FAR2: variants seen among roughly 807,000 people sequenced by gnomAD.
The protein encoded by FAR2 is epididymis secretory protein Li 81.
In FAR2, 19 loss-of-function variants were observed where a neutral mutation model predicts 56.0. The observed-to-expected ratio is 0.34, with a 90% CI of 0.24 to 0.50. FAR2 has a LOEUF of 0.50. FAR2 is among the 20% of genes least tolerant of loss of function. The pLI is 0.98. For missense variants in FAR2, 508 were observed against 642.2 expected (o/e 0.79, Z 2.26); for synonymous variants, 219 against 218.8 (o/e 1.00, Z -0.01).
At chr12:29,266,487 A>T (rs1948518248) in intron 1 of FAR2, among the ~76,000 whole-genome samples, 1 of 152,132 alleles carries the variant, frequency 6.6e-6, no homozygotes, top group Admixed American at 6.6e-5. Flanking sequence ...GAATAAAAGG[A>T]TGGTTAGCAG....
At chr12:29,267,975 T>C (rs1382927039) in intron 1 of FAR2, among the ~76,000 whole-genome samples, 1 of 152,220 alleles carries the variant, frequency 6.6e-6, no homozygotes, top group Non-Finnish European at 1.5e-5. Flanking sequence ...CATCTGCGTG[T>C]CTTCAGAACT....
chr12:29,286,420 A>G (rs1948877718), intron 2 of FAR2, among the ~76,000 whole-genome samples: 2 of 152,186 alleles, frequency 1.3e-5, no homozygotes, highest in African/African-American at 4.8e-5. Context: ...CTCGATGACA[A>G]TATCATGAGG....
At chr12:29,293,877 AT>A (rs1211214855) in intron 3 of FAR2, among the ~76,000 whole-genome samples, 3 of 152,088 alleles carry the variant, frequency 2.0e-5, no homozygotes, top group African/African-American at 7.2e-5. Context: ...GGACATTTGG[AT>A]TGTTTTAATT....
At chr12:29,207,949 C>T (rs1467094932) in intron 1 of FAR2, among the ~76,000 whole-genome samples, 1 of 152,188 alleles carries the variant, frequency 6.6e-6, no homozygotes, top group Non-Finnish European at 1.5e-5. Flanking sequence ...CACCTGTGGT[C>T]CCAGCATTTT....
chr12:29,169,039 T>C (rs757001578), intron 1 of FAR2, among the ~76,000 whole-genome samples: 37 of 152,284 alleles, frequency 2.4e-4, no homozygotes, highest in Middle Eastern at 6.8e-3. Context: ...AGAGTGCTGA[T>C]TGGTGCATTT....
intron 1 of FAR2, among the ~76,000 whole-genome samples, chr12:29,227,620 C>T (rs1947789661): frequency 6.6e-6 from 1 of 152,166 alleles, no homozygotes; most frequent in East Asian, 1.9e-4. Flanking sequence ...AATATAACAA[C>T]TGATTGTCTC....
chr12:29,235,894 C>G (rs756944334), intron 1 of FAR2, among the ~76,000 whole-genome samples: 1 of 151,982 alleles, frequency 6.6e-6, no homozygotes, highest in African/African-American at 2.4e-5. Flanking sequence ...AAATACAAAA[C>G]CTAGGGGAGG....
At chr12:29,230,817 G>A (rs1413338017) in intron 1 of FAR2, among the ~76,000 whole-genome samples, 4 of 152,196 alleles carry the variant, frequency 2.6e-5, no homozygotes, top group African/African-American at 9.6e-5. Flanking sequence ...CTGAGATAGG[G>A]AGAATGGTGA....
At chr12:29,264,685 GAGAGGGAGAA>G (rs1948483916) in intron 1 of FAR2, among the ~76,000 whole-genome samples, 2 of 147,582 alleles carry the variant, frequency 1.4e-5, no homozygotes, top group South Asian at 4.5e-4. Context: ...GGAGGAGAGG[GAGAGGGAGAA>G]AGAGAGAAAA....
intron 1 of FAR2, among the ~76,000 whole-genome samples, chr12:29,154,928 A>C (rs1949714265): frequency 6.6e-6 from 1 of 152,196 alleles, no homozygotes; most frequent in Non-Finnish European, 1.5e-5. Flanking sequence ...TAAACCTTTT[A>C]ACATCTACAG....
Position 29,195,231 on chromosome 12 carries a change from G to T in FAR2, c.-39+45824G>T, listed in dbSNP as rs187431268. Among the ~76,000 whole-genome samples the T allele has an allele frequency of 8.5e-5, 13 of 152,154 alleles. No individual in the cohort carries two copies. In the East Asian group the frequency reaches 2.5e-3, roughly 29 times the overall value. On this transcript the variant is annotated intron_variant, in intron 1 of 11. Transcript: ENST00000536681. Reference sequence around the variant, plus strand: ...ACATCTTTTTTGGTAATTTCTTCAGGTTAGTAAATCTCATCTGTTATGGGT... The same window carrying T: ...ACATCTTTTTTGGTAATTTCTTCAGTTTAGTAAATCTCATCTGTTATGGGT...
chr12:29,238,102 A>G (rs566490758), intron 1 of FAR2, among the ~76,000 whole-genome samples: 1 of 152,280 alleles, frequency 6.6e-6, no homozygotes, highest in East Asian at 1.9e-4. Flanking sequence ...AGTTTAAGAA[A>G]CCATAATTTG....
intron 1 of FAR2, among the ~76,000 whole-genome samples, chr12:29,200,783 G>A (rs1224326784): frequency 3.3e-5 from 5 of 152,110 alleles, no homozygotes; most frequent in Non-Finnish European, 5.9e-5. Flanking sequence ...GCTTAAGTGC[G>A]TTTTACTCAG....
At chr12:29,153,255 G>T (rs375270777) in intron 1 of FAR2, among the ~76,000 whole-genome samples, 1 of 152,106 alleles carries the variant, frequency 6.6e-6, no homozygotes, top group African/African-American at 2.4e-5. Flanking sequence ...CACTGACTCC[G>T]TTTTGGTGTT....
chr12:29,157,730 A>G (rs1949742511), intron 1 of FAR2, among the ~76,000 whole-genome samples: 1 of 152,328 alleles, frequency 6.6e-6, no homozygotes, highest in Non-Finnish European at 1.5e-5. Flanking sequence ...CATTCCACAG[A>G]AGTGAGCAAA....
At chr12:29,321,966 AC>A in intron 10 of FAR2, 42 bp downstream of exon 10, 1 of 1,570,826 alleles carries the variant, frequency 6.4e-7, no homozygotes, top group Non-Finnish European at 8.6e-7. Context: ...AATGCTACTC[AC>A]TTGGAATTTA....
At chr12:29,298,064 TGAA>T (rs936436762) in intron 4 of FAR2, among the ~76,000 whole-genome samples, 3 of 148,548 alleles carry the variant, frequency 2.0e-5, no homozygotes, top group Non-Finnish European at 4.5e-5. Context: ...AAAGAACTAA[TGAA>T]GAATAAGAAT....
chr12:29,249,763 T>TA lies in FAR2; in HGVS notation c.-38-20643dup, dbSNP rs546026412. On this transcript the variant is annotated intron_variant, in intron 1 of 11. Transcript: ENST00000536681. ...ATTTTATTATTATTAGTTTTAAGGG[T>TA]AAAAAACTCCAAATCATAGGGGCAA... 1.1e-3 allele frequency among the ~76,000 whole-genome samples: 168 copies of TA among 152,182 alleles called. 1 individual carries two copies. The highest frequency in any genetic ancestry group is 1.7e-3 in the Non-Finnish European group (117 of 68,002).
At chr12:29,289,181 GA>G (rs1230243205) in intron 2 of FAR2, among the ~76,000 whole-genome samples, 3 of 150,656 alleles carry the variant, frequency 2.0e-5, no homozygotes, top group Admixed American at 6.6e-5. Flanking sequence ...CATAGAAATA[GA>G]AAAAAACAAT....
Sources: gnomAD v4.1 joint callset for allele counts (sites outside exome capture counted in the v4.1 genomes callset) on GRCh38, gnomAD v4.1.1 for gene constraint, MANE v1.5 for transcripts, NCBI Gene and HGNC (gene_info 2026-07-23, HGNC 2026-07-21) for gene names.